Variants in HS6ST3 observed in about 807,000 individuals in gnomAD.
The protein encoded by HS6ST3 is heparan-sulfate 6-O-sulfotransferase 3.
In HS6ST3, 12 loss-of-function variants were observed where a neutral mutation model predicts 36.7. The ratio of observed to expected loss-of-function variants is 0.33; its 90% CI spans 0.21 to 0.53. The LOEUF (loss-of-function observed/expected upper bound fraction) is 0.53. HS6ST3 is among the 20% of genes least tolerant of loss of function. HS6ST3 has a pLI of 0.95. For missense variants in HS6ST3, 584 were observed against 640.9 expected (o/e 0.91, Z 0.96); for synonymous variants, 240 against 257.5 (o/e 0.93, Z 0.65).
At chr13:96,519,115 G>C (rs1282964446) in intron 1 of HS6ST3, among the ~76,000 whole-genome samples, 1 of 152,170 alleles carries the variant, frequency 6.6e-6, no homozygotes, top group Admixed American at 6.5e-5. Context: ...TTGGCGCAGA[G>C]TTCATTCTCT....
chr13:96,740,857 C>G (rs1876419889), intron 1 of HS6ST3, among the ~76,000 whole-genome samples: 1 of 152,146 alleles, frequency 6.6e-6, no homozygotes, highest in East Asian at 1.9e-4. Flanking sequence ...AGATGGATAA[C>G]TGCTCACAAA....
intron 1 of HS6ST3, among the ~76,000 whole-genome samples, chr13:96,624,156 T>C (rs1226622936): frequency 6.6e-6 from 1 of 152,130 alleles, no homozygotes; most frequent in African/African-American, 2.4e-5. Flanking sequence ...CATGTACAGG[T>C]GTGTGTATAT....
chr13:96,825,600 G>T (rs1221215373), intron 1 of HS6ST3, among the ~76,000 whole-genome samples: 1 of 152,070 alleles, frequency 6.6e-6, no homozygotes, highest in East Asian at 1.9e-4. Context: ...CCTACTTTAG[G>T]TAGAGATCTT....
rs972298199 is a variant in HS6ST3, at chr13:96,145,339, T to C, written c.707+53770T>C. Among the ~76,000 whole-genome samples, 61 of 150,292 alleles carry C rather than the reference T, an allele frequency of 4.1e-4. No individual in the cohort carries two copies. In the South Asian group the frequency reaches 9.1e-3, roughly 22 times the overall value. ...TGTTGTTTCCTGACTTTTTAATGAT[T>C]GCCATTCTAACTGGTGTGAGATGGT... On this transcript the variant is annotated intron_variant, in intron 1 of 1. Coordinates refer to ENST00000376705, the MANE Select transcript of HS6ST3 (RefSeq NM_153456.4).
In HS6ST3 at chr13:96,099,603, A is replaced by G. The variant is rs201900475; in HGVS notation, c.707+8034A>G. On this transcript the variant is annotated intron_variant, in intron 1 of 1. Coordinates refer to ENST00000376705, the MANE Select transcript of HS6ST3 (RefSeq NM_153456.4). The stretch of plus-strand genomic sequence containing the variant: ...GTGGGCACGTAAATATTTGTAGTTC[A>G]TTCCTATTATTAATATCTTACCATG... Among the ~76,000 whole-genome samples the G allele has an allele frequency of 2.4e-3, 367 of 152,326 alleles. 3 individuals are homozygous for G. The highest frequency in any genetic ancestry group is 8.4e-3 in the African/African-American group (350 of 41,576).
intron 1 of HS6ST3, among the ~76,000 whole-genome samples, chr13:96,724,276 A>G (rs1470189365): frequency 6.6e-6 from 1 of 152,248 alleles, no homozygotes; most frequent in African/African-American, 2.4e-5. Context: ...CTTTAGTGGT[A>G]ATTACATATG....
chr13:96,293,822 A>T (rs912707635), intron 1 of HS6ST3, among the ~76,000 whole-genome samples: 5 of 152,098 alleles, frequency 3.3e-5, no homozygotes, highest in African/African-American at 1.2e-4. Flanking sequence ...TGAGATGTCA[A>T]GGTGTGCAAA....
At chr13:96,536,482 G>A (rs925689337) in intron 1 of HS6ST3, among the ~76,000 whole-genome samples, 1 of 152,200 alleles carries the variant, frequency 6.6e-6, no homozygotes, top group African/African-American at 2.4e-5. Flanking sequence ...ACACAGGGAT[G>A]CTTAGAGAAA....
chr13:96,202,795 C>T (rs542813117), intron 1 of HS6ST3, among the ~76,000 whole-genome samples: 1 of 152,292 alleles, frequency 6.6e-6, no homozygotes, highest in Non-Finnish European at 1.5e-5. Context: ...GGAAATGACT[C>T]AGGTTCACAG....
At chr13:96,797,817 A>G (rs549597617) in intron 1 of HS6ST3, among the ~76,000 whole-genome samples, 1 of 152,190 alleles carries the variant, frequency 6.6e-6, no homozygotes, top group South Asian at 2.1e-4. Flanking sequence ...AAAGCCATCA[A>G]TTCTGCAGTA....
rs552108976 is a variant in HS6ST3, at chr13:96,801,685, GA to G, written c.708-30804del. On this transcript the variant is annotated intron_variant, in intron 1 of 1. Coordinates refer to ENST00000376705, the MANE Select transcript of HS6ST3 (RefSeq NM_153456.4). ...TATTATTCAAGCTCAGACAGTCCAC[GA>G]CAGAGTCAGGATCCATCTCCACGCC... 1.4e-3 allele frequency among the ~76,000 whole-genome samples: 220 copies of G among 152,160 alleles called. 3 individuals carry two copies. Among genetic ancestry groups the G allele is most frequent in the Non-Finnish European group, 4.1e-4 (28 of 68,004 alleles).
chr13:96,790,531 G>A (rs1877761771), intron 1 of HS6ST3, among the ~76,000 whole-genome samples: 1 of 151,946 alleles, frequency 6.6e-6, no homozygotes, highest in African/African-American at 2.4e-5. Context: ...ACATTAGGAA[G>A]TCCAAAAATA....
chr13:96,140,058 A>G (rs1364304148), intron 1 of HS6ST3, among the ~76,000 whole-genome samples: 1 of 152,144 alleles, frequency 6.6e-6, no homozygotes, highest in African/African-American at 2.4e-5. Flanking sequence ...ATTAAGAAAA[A>G]GTTAGATAGG....
intron 1 of HS6ST3, among the ~76,000 whole-genome samples, chr13:96,560,397 A>C (rs2056257386): frequency 6.6e-6 from 1 of 152,166 alleles, no homozygotes; most frequent in Non-Finnish European, 1.5e-5. Context: ...GCCATGTATG[A>C]CAAACCCACA....
intron 1 of HS6ST3, among the ~76,000 whole-genome samples, chr13:96,310,520 G>A (rs187448642): frequency 3.9e-5 from 6 of 152,282 alleles, no homozygotes; most frequent in African/African-American, 1.4e-4. Context: ...AAGAATGGGA[G>A]ATGCCCATAT....
intron 1 of HS6ST3, among the ~76,000 whole-genome samples, chr13:96,343,468 T>C (rs1197663023): frequency 6.6e-6 from 1 of 152,192 alleles, no homozygotes; most frequent in Non-Finnish European, 1.5e-5. Context: ...CTTCTTCTAC[T>C]TTTAAGGATT....
At chr13:96,166,941 A>G (rs1468574611) in intron 1 of HS6ST3, among the ~76,000 whole-genome samples, 1 of 152,098 alleles carries the variant, frequency 6.6e-6, no homozygotes, top group Non-Finnish European at 1.5e-5. Flanking sequence ...CCTTTTGCTC[A>G]GTGCTTCTCC....
intron 1 of HS6ST3, among the ~76,000 whole-genome samples, chr13:96,587,226 T>G (rs908284236): frequency 1.4e-4 from 22 of 152,198 alleles, no homozygotes; most frequent in Non-Finnish European, 2.5e-4. Flanking sequence ...GGTATTAAGA[T>G]GCCTCCAGCT....
intron 1 of HS6ST3, among the ~76,000 whole-genome samples, chr13:96,379,982 G>A (rs535674828): frequency 9.2e-5 from 14 of 152,224 alleles, no homozygotes; most frequent in Admixed American, 2.0e-4. Flanking sequence ...AGATGTTTGG[G>A]GTTTCTGTGA....
Sources: gnomAD v4.1 joint callset for allele counts (sites outside exome capture counted in the v4.1 genomes callset) on GRCh38, gnomAD v4.1.1 for gene constraint, MANE v1.5 for transcripts, NCBI Gene and HGNC (gene_info 2026-07-23, HGNC 2026-07-21) for gene names.